The following PHC2 variants were observed in gnomAD, a reference collection of about 807,000 sequenced individuals.
PHC2 encodes polyhomeotic homolog 2.
Under a neutral mutation model 87.4 loss-of-function variants are expected in PHC2, and 29 were observed. The observed-to-expected ratio is 0.33, with a 90% CI of 0.25 to 0.45. The LOEUF (loss-of-function observed/expected upper bound fraction) is 0.45, where lower values mean the gene tolerates loss of function less well. Ranked by LOEUF, PHC2 falls within the 20% of genes least tolerant of loss-of-function variation. The pLI, the probability that PHC2 is intolerant of heterozygous loss-of-function variation, is 1.00. For synonymous variants in PHC2, 438 were observed against 461.7 expected, an observed-to-expected ratio of 0.95 and a Z score of 0.66; for missense variants, 857 against 1,136.7, an observed-to-expected ratio of 0.75 and a Z score of 3.54.
At chr1:33,427,055 C>A (rs571904301) in intron 1 of PHC2, among the ~76,000 whole-genome samples, 1 of 152,302 alleles carries the variant, frequency 6.6e-6, no homozygotes, top group East Asian at 1.9e-4. Context: ...TAGCATGATC[C>A]TTCAGGAAAG....
At chr1:33,356,396 T>A (rs1647086667) in intron 7 of PHC2, among the ~76,000 whole-genome samples, 2 of 149,784 alleles carry the variant, frequency 1.3e-5, no homozygotes, top group Admixed American at 6.7e-5. Flanking sequence ...CAGATAAACA[T>A]GTGAACAAGG....
At chr1:33,395,365 T>G (rs74855793) in intron 1 of PHC2, among the ~76,000 whole-genome samples, 2,471 of 152,282 alleles carry the variant, frequency 0.016, 33 homozygotes, top group Middle Eastern at 0.027. Context: ...TTGTACTATA[T>G]CAATGCATGC....
At chr1:33,341,542 G>C (rs1172070901) in intron 9 of PHC2, among the ~76,000 whole-genome samples, 1 of 152,192 alleles carries the variant, frequency 6.6e-6, no homozygotes, top group Non-Finnish European at 1.5e-5. Flanking sequence ...GCACAAGCTG[G>C]ATTCAATATC....
chr1:33,362,865 A>G (rs1372202541), intron 7 of PHC2, among the ~76,000 whole-genome samples: 1 of 152,258 alleles, frequency 6.6e-6, no homozygotes, highest in Non-Finnish European at 1.5e-5. Context: ...TGTTTGGCAC[A>G]TAAGAGGTGC....
At position 33,367,189 on chromosome 1, in the gene PHC2, T is replaced by G; in HGVS notation, c.903A>C (p.Pro301=). The change falls in exon 7 of 15, where the codon CCA becomes CCC. Residue 301 remains proline (P), a synonymous_variant. Transcript: ENST00000683057. The part of the protein sequence containing the change: ...HKKGDGNSSV[P]GSMEGRAGLS... Reference sequence around the variant, plus strand: ...GCCCAGCCCGGCCTTCCATGCTCCCTGGCACACTGCTGTTGCCATCTCCTT... The same window carrying G: ...GCCCAGCCCGGCCTTCCATGCTCCCGGGCACACTGCTGTTGCCATCTCCTT... The G allele has an allele frequency of 6.2e-7, 1 of 1,614,224 alleles. No homozygotes were observed. The highest frequency in any genetic ancestry group is 8.5e-7 in the Non-Finnish European group (1 of 1,180,032).
intron 1 of PHC2, among the ~76,000 whole-genome samples, chr1:33,413,496 C>T (rs911976952): frequency 1.3e-5 from 2 of 152,194 alleles, no homozygotes; most frequent in African/African-American, 4.8e-5. Context: ...AGACCGCAGG[C>T]AAAGTGGCTG....
chr1:33,334,298 CGA>C lies in PHC2; in HGVS notation c.1559-8_1559-7del, dbSNP rs887513509. On this transcript the variant is annotated splice_polypyrimidine_tract_variant and splice_region_variant and intron_variant, in intron 9 of 14. Transcript: ENST00000683057. This position sits in a 1 kb window ranked among gnomAD's most constrained non-coding sequence, Gnocchi z 5.5. ...AACAATGCCCTGCCCTGTCTCTGCA[CGA>C]GAGAGAGTAGGAAAACAAAGCAGGG... is the stretch of plus-strand genomic sequence containing the variant. The C allele has an allele frequency of 6.2e-7, 1 of 1,611,422 alleles. No homozygotes were observed. Among genetic ancestry groups the C allele is most frequent in the Non-Finnish European group, 8.5e-7 (1 of 1,178,402 alleles).
At chr1:33,387,669 T>C (rs1240675477) in intron 1 of PHC2, among the ~76,000 whole-genome samples, 1 of 152,232 alleles carries the variant, frequency 6.6e-6, no homozygotes, top group Non-Finnish European at 1.5e-5. Context: ...CTGTAACTTA[T>C]CGGAGCCCCA....
chr1:33,362,391 T>A (rs1465106045), intron 7 of PHC2, among the ~76,000 whole-genome samples: 1 of 152,136 alleles, frequency 6.6e-6, no homozygotes, highest in Non-Finnish European at 1.5e-5. Flanking sequence ...GAGAGGAAGA[T>A]GCATGGTTTT....
At chr1:33,390,191 G>GGGC (rs1028343463) in intron 1 of PHC2, among the ~76,000 whole-genome samples, 9 of 152,116 alleles carry the variant, frequency 5.9e-5, no homozygotes, top group African/African-American at 2.2e-4. Context: ...TCATCACTAG[G>GGGC]GGCTCTTTTA....
rs945112432 is a variant in PHC2, at chr1:33,349,438, C to A, written c.1558+4963G>T. On this transcript the variant is annotated intron_variant, in intron 9 of 14. Transcript: ENST00000683057. This position sits in a 1 kb window ranked among gnomAD's most constrained non-coding sequence, Gnocchi z 4.2. ...GCGAGGCTGGGGAGCAGGGCACCTCCCAGGCGCCGCGCGGACGAGAGCCGC... is the reference window on the plus strand; with the variant it reads ...GCGAGGCTGGGGAGCAGGGCACCTCACAGGCGCCGCGCGGACGAGAGCCGC... 2.7e-5 allele frequency: 27 copies of A among 985,276 alleles called. 2 individuals carry two copies. The Admixed American group carries it at 1.4e-3, about 52-fold the overall frequency. The allele number at this position is 985,276 out of a possible 1,614,324, so 61.0% of individuals were successfully genotyped here.
intron 7 of PHC2, among the ~76,000 whole-genome samples, chr1:33,356,269 A>ACG (rs1553185660): frequency 2.5e-3 from 251 of 99,120 alleles, no homozygotes; most frequent in East Asian, 0.012. Flanking sequence ...ATATATATAT[A>ACG]TATATATGTA....
intron 1 of PHC2, among the ~76,000 whole-genome samples, chr1:33,386,245 CG>C (rs1473137765): frequency 6.6e-6 from 1 of 151,142 alleles, no homozygotes; most frequent in Non-Finnish European, 1.5e-5. Context: ...TGGCTGAGTG[CG>C]GTGGCTTACG....
intron 1 of PHC2, among the ~76,000 whole-genome samples, chr1:33,386,794 C>T (rs1205721268): frequency 6.6e-6 from 1 of 152,078 alleles, no homozygotes; most frequent in Non-Finnish European, 1.5e-5. Context: ...GCACACACAT[C>T]ACAGTGTGCG....
intron 1 of PHC2, among the ~76,000 whole-genome samples, chr1:33,426,656 G>A (rs961382195): frequency 2.0e-5 from 3 of 152,002 alleles, no homozygotes; most frequent in African/African-American, 7.3e-5. Flanking sequence ...ATATTGACTG[G>A]GCATTTCCTT....
intron 4 of PHC2, 29 bp downstream of exon 4, chr1:33,370,988 C>T: frequency 1.3e-6 from 2 of 1,598,406 alleles, no homozygotes; most frequent in African/African-American, 1.3e-5. Context: ...GGGCTGTGGA[C>T]TCTGCTGCTG....
In PHC2 at chr1:33,368,705, CGAG is replaced by C; in HGVS notation, c.577-86_577-84del. ...TGGCTGGGCCTGGAATCACAGGAAACGAGGCGCCTTTTACCTGCTCGATGTGGA... is the reference window on the plus strand; with the variant it reads ...TGGCTGGGCCTGGAATCACAGGAAACGCGCCTTTTACCTGCTCGATGTGGA... On this transcript the variant is annotated intron_variant, in intron 5 of 14. Transcript: ENST00000683057. This position sits in a 1 kb window ranked among gnomAD's most constrained non-coding sequence, Gnocchi z 6.6. The C allele has an allele frequency of 2.0e-6, 2 of 1,019,596 alleles. No individual in the cohort carries two copies. The highest frequency in any genetic ancestry group is 5.2e-5 in the East Asian group (2 of 38,552). 63.2% of individuals were successfully genotyped at this position (1,019,596 alleles called of 1,614,324 possible).
At position 33,369,205 on chromosome 1, in the gene PHC2, G is replaced by A. The variant is rs1308009859; in HGVS notation, c.577-583C>T. On this transcript the variant is annotated intron_variant, in intron 5 of 14. Transcript: ENST00000683057. This position sits in a 1 kb window ranked among gnomAD's most constrained non-coding sequence, Gnocchi z 4.7. ...GCGGACCGCCTGGAGCCGTCCTCAT[G>A]TCTGAATCCCATCCTGCAGGGTGCA... Among the ~76,000 whole-genome samples, 1 of 152,232 alleles carries A rather than the reference G, an allele frequency of 6.6e-6. No homozygotes were observed. Among genetic ancestry groups the A allele is most frequent in the East Asian group, 1.9e-4 (1 of 5,202 alleles).
chr1:33,354,467 C>A lies in PHC2; in HGVS notation c.1492G>T (p.Val498Phe), dbSNP rs1647030153. Residue 498 changes from valine to phenylalanine, a missense_variant, in exon 9 of 15, where the codon GTC becomes TTC. By Grantham distance (50) the Val-to-Phe change is conservative (BLOSUM62 -1). This residue lies in a region of PHC2 where 832 missense variants were observed against 1,081.8 expected (regional missense o/e 0.77). Coordinates refer to ENST00000683057, the MANE Select transcript of PHC2 (RefSeq NM_001385109.1). The stretch of plus-strand genomic sequence containing the variant: ...GGCAGGCCACCAGGCATGGCAGTGA[C>A]AATAGCCTGCTGATGTGGTGATGGG... ...SGPSPHQQAI[V>F]TAMPGGLPVP... 2 of 1,614,032 alleles carry A rather than the reference C, an allele frequency of 1.2e-6. No individual in the cohort carries two copies. Among genetic ancestry groups the A allele is most frequent in the African/African-American group, 2.7e-5 (2 of 74,916 alleles).
Sources: gnomAD v4.1 joint callset for allele counts (sites outside exome capture counted in the v4.1 genomes callset) on GRCh38, gnomAD v4.1.1 for gene constraint, gnomAD v4.1.1 regional missense constraint, Gnocchi (gnomAD v3.1) non-coding constraint, MANE v1.5 for transcripts, NCBI Gene and HGNC (gene_info 2026-07-23, HGNC 2026-07-21) for gene names.